Variants in GPR35 observed in about 807,000 individuals in gnomAD.
The protein encoded by GPR35 is KYNA receptor.
For synonymous variants in GPR35, 207 were observed against 198.4 expected (o/e 1.04, Z -0.36); for missense variants, 372 against 422.5 (o/e 0.88, Z 1.05).
chr2:240,612,510 C>G (rs1382938397), intron 2 of GPR35, among the ~76,000 whole-genome samples: 1 of 151,394 alleles, frequency 6.6e-6, no homozygotes, highest in Non-Finnish European at 1.5e-5. Flanking sequence ...TGCTGCCTGT[C>G]AGCTGTGCTC....
intron 2 of GPR35, among the ~76,000 whole-genome samples, chr2:240,611,055 C>G (rs967665288): frequency 6.6e-6 from 1 of 152,186 alleles, no homozygotes; most frequent in African/African-American, 2.4e-5. Flanking sequence ...GCCTCAGCCT[C>G]CTGAGTAGCT....
rs1042071774 is a variant in GPR35, at chr2:240,619,882, G to A, written c.-5+851G>A. 4.6e-5 allele frequency among the ~76,000 whole-genome samples: 7 copies of A among 152,272 alleles called. No individual in the cohort carries two copies. The South Asian group carries it at 1.0e-3, about 23-fold the overall frequency. On this transcript the variant is annotated intron_variant, in intron 5 of 5. Coordinates refer to the GPR35 transcript ENST00000319838. Reference sequence around the variant, plus strand: ...TGAGGATCTTAGGAGCGGGGCTCTTGGACAGGAGGGCGAGTGAGTTGGGAG... The same window carrying A: ...TGAGGATCTTAGGAGCGGGGCTCTTAGACAGGAGGGCGAGTGAGTTGGGAG...
exon 4 of GPR35, chr2:240,617,267 G>A (rs962824883): frequency 6.7e-5 from 47 of 705,390 alleles, no homozygotes; most frequent in Non-Finnish European, 9.7e-5. Context: ...CTGCAGCCCC[G>A]GCTGACACCT....
chr2:240,623,403 G>GGT (rs1559437637), upstream of GPR35, among the ~76,000 whole-genome samples: 2 of 82,020 alleles, frequency 2.4e-5, no homozygotes, highest in African/African-American at 4.1e-5. Context: ...AGGTCGTGAG[G>GGT]GCGCAAACAG....
intron 2 of GPR35, among the ~76,000 whole-genome samples, chr2:240,614,169 A>G (rs2125477219): frequency 6.6e-6 from 1 of 152,168 alleles, no homozygotes; most frequent in South Asian, 2.1e-4. Context: ...CCCTAACTCC[A>G]ACCCAAACCC....
At chr2:240,612,450 G>T (rs2043192208) in intron 2 of GPR35, among the ~76,000 whole-genome samples, 1 of 139,286 alleles carries the variant, frequency 7.2e-6, no homozygotes, top group African/African-American at 2.7e-5. Flanking sequence ...AAAAAAAAAG[G>T]ACTAGGGACT....
In GPR35 at chr2:240,618,886, A is replaced by G; in HGVS notation, c.-148-2A>G. On this transcript the variant is annotated splice_acceptor_variant, in intron 4 of 5. Transcript: ENST00000319838. LOFTEE classifies it low-confidence loss of function (5UTR_SPLICE). ...GAAATATTTCTCCCTCCTCTTTGCAAGTGCTCAGTGTCCTGTGGTGTGAAC... is the reference window on the plus strand; with the variant it reads ...GAAATATTTCTCCCTCCTCTTTGCAGGTGCTCAGTGTCCTGTGGTGTGAAC... The G allele has an allele frequency of 1.5e-6, 1 of 665,996 alleles. No homozygotes were observed. The highest frequency in any genetic ancestry group is 2.3e-5 in the Admixed American group (1 of 43,340). The allele number at this position is 665,996 out of a possible 1,614,324, so 41.3% of individuals were successfully genotyped here. A position where few individuals can be genotyped will look rare whatever the true frequency, so the allele number is the denominator to read the frequency against.
Position 240,632,136 on chromosome 2 carries a change from C to T in GPR35, c.*1254C>T, listed in dbSNP as rs952662093. Among the ~76,000 whole-genome samples, 18 of 149,904 alleles carry T rather than the reference C, an allele frequency of 1.2e-4. No individual in the cohort carries two copies. The highest frequency in any genetic ancestry group is 2.2e-4 in the Non-Finnish European group (15 of 67,434). On this transcript the variant is annotated 3_prime_UTR_variant, in exon 2 of 2. Coordinates refer to ENST00000407714, the MANE Select transcript of GPR35 (RefSeq NM_005301.5). ...TCCCGTGCCCAGGAGGGCTCTATGC[C>T]CAAAAGGGTCCCATGTCCGGGAGGG...
rs982463175 is a variant in GPR35 at position 240,631,066 on chromosome 2, G to A, written c.*184G>A. ...GCTCTCTTGGGAAGAGAGAGGGACA[G>A]GGACAAGGGCAAGAGGACTGAGGCC... is the stretch of plus-strand genomic sequence containing the variant. On this transcript the variant is annotated 3_prime_UTR_variant, in exon 2 of 2. Transcript: ENST00000407714. The A allele has an allele frequency of 4.2e-5, 26 of 621,202 alleles. No homozygotes were observed. The East Asian group carries it at 7.2e-4, about 17-fold the overall frequency. 38.5% of individuals were successfully genotyped at this position (621,202 alleles called of 1,614,324 possible). A position where few individuals can be genotyped will look rare whatever the true frequency, so the allele number is the denominator to read the frequency against.
In GPR35 at chr2:240,632,684, C is replaced by G. The variant is rs2043463025; in HGVS notation, c.*1802C>G. On this transcript the variant is annotated 3_prime_UTR_variant, in exon 2 of 2. Transcript: ENST00000407714. Reference sequence around the variant, plus strand: ...CATGAGGGTCCATGCCCAGTAAGGGCCATGCCCATGAGATCCTCATGCCCA... The same window carrying G: ...CATGAGGGTCCATGCCCAGTAAGGGGCATGCCCATGAGATCCTCATGCCCA... Among the ~76,000 whole-genome samples, 1 of 149,552 alleles carries G rather than the reference C, an allele frequency of 6.7e-6. No homozygotes were observed. Among genetic ancestry groups the G allele is most frequent in the Non-Finnish European group, 1.5e-5 (1 of 67,370 alleles).
At chr2:240,614,892 GTATA>G (rs1559434054) in intron 2 of GPR35, among the ~76,000 whole-genome samples, 1 of 152,026 alleles carries the variant, frequency 6.6e-6, no homozygotes, top group Non-Finnish European at 1.5e-5. Context: ...ATGTGTATGT[GTATA>G]TATGTATATA....
Position 240,613,006 on chromosome 2 carries a change from A to G in GPR35, c.-576-3382A>G, listed in dbSNP as rs142120565. 2.3e-3 allele frequency among the ~76,000 whole-genome samples: 345 copies of G among 152,372 alleles called. 1 individual carries two copies. Among genetic ancestry groups the G allele is most frequent in the African/African-American group, 7.9e-3 (327 of 41,592 alleles). ...TCTGCACAACTGCAGAAGCTGAGCA[A>G]TCAGCCTCATCAGTGGCAATTCCTG... On this transcript the variant is annotated intron_variant, in intron 2 of 5. Coordinates refer to the GPR35 transcript ENST00000319838.
At chr2:240,606,746 T>G (rs1430937497) in intron 2 of GPR35, 1 of 152,250 alleles carries the variant, frequency 6.6e-6, no homozygotes, top group African/African-American at 2.4e-5. Flanking sequence ...AAAGAAGCTC[T>G]CTGTGCCTGC....
chr2:240,626,983 G>A (rs955754547), intron 1 of GPR35, among the ~76,000 whole-genome samples: 3 of 152,184 alleles, frequency 2.0e-5, no homozygotes, highest in Admixed American at 6.5e-5. Flanking sequence ...TGCAGAAGCC[G>A]AGGGTGACCT....
chr2:240,630,327 C>T lies in GPR35; in HGVS notation c.375C>T (p.Arg125=), dbSNP rs950855051. 7.5e-6 allele frequency: 12 copies of T among 1,593,780 alleles called. No homozygotes were observed. The highest frequency in any genetic ancestry group is 2.2e-5 in the East Asian group (1 of 44,630). The change falls in exon 2 of 2, where the codon CGC becomes CGT. Residue 125 remains arginine, a synonymous_variant. Transcript: ENST00000407714. ...CCGTGCGGCACCCGCTGCGTGCCCG[C>T]GGGCTGCGGTCCCCCAGGCAGGCTG... ...YVAVRHPLRA[R]GLRSPRQAAA... is the part of the protein sequence containing the mutation.
upstream of GPR35, chr2:240,625,422 C>A (rs745402783): frequency 7.1e-6 from 7 of 985,424 alleles, no homozygotes; most frequent in Non-Finnish European, 8.4e-6. Flanking sequence ...CCCGCCCCCC[C>A]ACCTTAAGGA....
chr2:240,612,007 C>T (rs767730037), intron 2 of GPR35, among the ~76,000 whole-genome samples: 165 of 151,834 alleles, frequency 1.1e-3, no homozygotes, highest in Admixed American at 1.6e-3. Flanking sequence ...GGAGGCCACA[C>T]GAGGAAGTGG....
At chr2:240,614,623 G>T (rs1020758938) in intron 2 of GPR35, among the ~76,000 whole-genome samples, 2 of 152,210 alleles carry the variant, frequency 1.3e-5, no homozygotes, top group Non-Finnish European at 1.5e-5. Flanking sequence ...ATGTGGAAGG[G>T]GGCTCATCCC....
chr2:240,612,932 C>A (rs912604125), intron 2 of GPR35, among the ~76,000 whole-genome samples: 1 of 152,242 alleles, frequency 6.6e-6, no homozygotes, highest in Non-Finnish European at 1.5e-5. Flanking sequence ...TGTCCCCGAC[C>A]TCCCAGGGGC....
Sources: allele counts gnomAD v4.1 joint callset (sites outside exome capture counted in the v4.1 genomes callset), GRCh38; gene constraint gnomAD v4.1.1; transcripts MANE v1.5; gene names NCBI Gene and HGNC (gene_info 2026-07-23, HGNC 2026-07-21).